The following LEUTX variants were observed in gnomAD, a reference collection of about 807,000 sequenced individuals.
LEUTX encodes paired-like homeodomain transcription factor LEUTX.
LEUTX carries 5 observed loss-of-function variants against 4.5 expected under a neutral mutation model. The observed-to-expected ratio is 1.11, with a 90% confidence interval of 0.58 to 2.34. The LOEUF is 2.34. Ranked by LOEUF, LEUTX falls within the 30% of genes most tolerant of loss-of-function variation. The pLI is 0.01. For synonymous variants in LEUTX, 89 were observed against 85.1 expected (o/e 1.05, Z -0.25); for missense variants, 233 against 239.4 (o/e 0.97, Z 0.18).
intron 1 of LEUTX, among the ~76,000 whole-genome samples, chr19:39,783,339 TTA>T (rs1011225574): frequency 2.2e-4 from 27 of 123,826 alleles, no homozygotes; most frequent in Middle Eastern, 4.1e-3. Flanking sequence ...ACATAAATTA[TTA>T]TATATATATA....
chr19:39,786,178 C>T lies in LEUTX; in HGVS notation c.*43C>T, dbSNP rs1490470412. 7.2e-7 allele frequency: 1 copy of T among 1,385,054 alleles called. No homozygotes were observed. Among genetic ancestry groups the T allele is most frequent in the African/African-American group, 1.5e-5 (1 of 68,434 alleles). 85.8% of individuals were successfully genotyped at this position (1,385,054 alleles called of 1,614,324 possible). ...CTAGGGGAGGTCTGGATCTGACCCA[C>T]TGAGACATATTTCCACACATCTTTA... On this transcript the variant is annotated 3_prime_UTR_variant, in exon 3 of 3. Transcript: ENST00000638280.
At chr19:39,779,721 A>G (rs1967856084) in intron 1 of LEUTX, among the ~76,000 whole-genome samples, 1 of 152,214 alleles carries the variant, frequency 6.6e-6, no homozygotes, top group Non-Finnish European at 1.5e-5. Flanking sequence ...GTAGTTTAGA[A>G]GTATATTACT....
chr19:39,784,943 C>G (rs1380249145), intron 2 of LEUTX, among the ~76,000 whole-genome samples: 3 of 152,200 alleles, frequency 2.0e-5, no homozygotes, highest in Non-Finnish European at 4.4e-5. Context: ...CCATGCTACA[C>G]AGGACTCTTT....
Position 39,785,960 on chromosome 19 carries a change from A to G in LEUTX, c.422A>G (p.Tyr141Cys), listed in dbSNP as rs1266794429. ...ARVSSWDSQS[Y>C]DIEQICLGAS... ...GTTTCATCCTGGGATTCTCAGTCAT[A>G]TGACATTGAACAGATATGTCTGGGG... The change falls in exon 3 of 3, where the codon TAT (tyrosine) becomes TGT (cysteine). Residue 141 changes from tyrosine to cysteine, a missense_variant. Physicochemically the swap from Tyr to Cys is radical, Grantham distance 194 (BLOSUM62 -2). Coordinates refer to ENST00000638280, the MANE Select transcript of LEUTX (RefSeq NM_001382345.1). 2 of 1,551,780 alleles carry G rather than the reference A, an allele frequency of 1.3e-6. No individual in the cohort carries two copies. Among genetic ancestry groups the G allele is most frequent in the South Asian group, 2.4e-5 (2 of 84,066 alleles).
intron 1 of LEUTX, among the ~76,000 whole-genome samples, chr19:39,784,168 A>T (rs1294326183): frequency 6.6e-6 from 1 of 151,230 alleles, no homozygotes; most frequent in Non-Finnish European, 1.5e-5. Flanking sequence ...CATTTCTTGT[A>T]TCTTTTTTTT....
intron 1 of LEUTX, among the ~76,000 whole-genome samples, chr19:39,780,926 A>G (rs919275265): frequency 6.0e-5 from 9 of 150,722 alleles, no homozygotes; most frequent in Middle Eastern, 3.4e-3. Flanking sequence ...CTGGTTTTGA[A>G]CTCCTGATCT....
Position 39,786,063 on chromosome 19 carries a change from T to G in LEUTX, c.525T>G (p.Asp175Glu). The change falls in exon 3 of 3, where the codon GAT becomes GAG. Residue 175 changes from aspartate (D) to glutamate (E), a missense_variant. Asp to Glu is a conservative substitution (Grantham distance 45). Transcript: ENST00000638280. ...AGATCTATGACTTGCCAGGGGAAGA[T>G]GACACCAGCAGCCTAAATCAATATC... ...FVKIYDLPGE[D>E]DTSSLNQYLF... 1.3e-6 allele frequency: 2 copies of G among 1,551,508 alleles called. No individual in the cohort carries two copies. The highest frequency in any genetic ancestry group is 1.7e-6 in the Non-Finnish European group (2 of 1,146,918).
upstream of LEUTX, among the ~76,000 whole-genome samples, chr19:39,778,165 G>T (rs901220460): frequency 1.3e-5 from 2 of 152,202 alleles, no homozygotes; most frequent in Non-Finnish European, 2.9e-5. Flanking sequence ...TGCCTGAAAG[G>T]TGGAGTAAAT....
At chr19:39,784,489 T>C in intron 1 of LEUTX, 38 bp from the exon 2 acceptor site, 1 of 746,162 alleles carries the variant, frequency 1.3e-6, no homozygotes, top group Non-Finnish European at 2.4e-6. Context: ...TCCTTCCGAA[T>C]TTTTTTAATG....
upstream of LEUTX, chr19:39,776,706 G>A (rs1321626627): frequency 2.2e-6 from 1 of 455,090 alleles, no homozygotes; most frequent in South Asian, 1.6e-5. Flanking sequence ...CATTTCTCAA[G>A]TAGCTTGTGG....
chr19:39,780,425 A>G (rs1217315468), intron 1 of LEUTX, among the ~76,000 whole-genome samples: 2 of 152,170 alleles, frequency 1.3e-5, no homozygotes, highest in Non-Finnish European at 2.9e-5. Context: ...TTTTGCAACA[A>G]CGATCCTTTT....
At chr19:39,785,638 A>G (rs572390189) in intron 2 of LEUTX, 60 bp from the exon 3 acceptor site, 15 of 1,336,536 alleles carry the variant, frequency 1.1e-5, no homozygotes, top group Non-Finnish European at 1.5e-5. Context: ...CCTGAGGAAC[A>G]TGAGGATGCC....
At position 39,785,981 on chromosome 19, in the gene LEUTX, T is replaced by C; in HGVS notation, c.443T>C (p.Leu148Pro). 1 of 1,551,778 alleles carries C rather than the reference T, an allele frequency of 6.4e-7. No individual in the cohort carries two copies. Residue 148 changes from leucine to proline, a missense_variant, in exon 3 of 3, where the codon CTG (leucine) becomes CCG (proline). Leu to Pro is a moderately conservative substitution (Grantham distance 98). Coordinates refer to ENST00000638280, the MANE Select transcript of LEUTX (RefSeq NM_001382345.1). Reference protein sequence around the residue: ...SQSYDIEQICLGASNPPWAST... With the variant: ...SQSYDIEQICPGASNPPWAST... ...TCATATGACATTGAACAGATATGTC[T>C]GGGGGCTTCAAATCCTCCTTGGGCC...
intron 1 of LEUTX, among the ~76,000 whole-genome samples, 152 bp downstream of exon 1, chr19:39,779,079 A>AATCC (rs1212596312): frequency 6.6e-6 from 1 of 152,170 alleles, no homozygotes; most frequent in East Asian, 1.9e-4. Flanking sequence ...TTTGAAAAAC[A>AATCC]CTTTGCAAGG....
chr19:39,785,682 C>A lies in LEUTX; in HGVS notation c.160-16C>A. The A allele has an allele frequency of 3.2e-6, 5 of 1,545,530 alleles. No individual in the cohort carries two copies. Among genetic ancestry groups the A allele is most frequent in the Middle Eastern group, 1.7e-4 (1 of 5,930 alleles). ...CTCAACATCCATTATTAACCTCCCCCCTCCTCCCTCCTTAGATCTGGTTCA... is the reference window on the plus strand; with the variant it reads ...CTCAACATCCATTATTAACCTCCCCACTCCTCCCTCCTTAGATCTGGTTCA... On this transcript the variant is annotated splice_polypyrimidine_tract_variant and intron_variant, in intron 2 of 2. Coordinates refer to ENST00000638280, the MANE Select transcript of LEUTX (RefSeq NM_001382345.1).
At chr19:39,784,500 A>T (rs1453334510) in intron 1 of LEUTX, 27 bp from the exon 2 acceptor site, 2 of 783,504 alleles carry the variant, frequency 2.6e-6, no homozygotes, top group African/African-American at 3.4e-5. Context: ...TTTTTTAATG[A>T]AAGCCTTTTA....
chr19:39,777,212 T>C (rs1226628802), upstream of LEUTX, among the ~76,000 whole-genome samples: 1 of 152,182 alleles, frequency 6.6e-6, no homozygotes, highest in East Asian at 1.9e-4. Context: ...CTACTGCACA[T>C]CCTCTGAATC....
intron 1 of LEUTX, among the ~76,000 whole-genome samples, chr19:39,783,257 T>C (rs931323434): frequency 6.8e-6 from 1 of 146,806 alleles, no homozygotes; most frequent in Non-Finnish European, 1.5e-5. Flanking sequence ...TATATATATA[T>C]AAATTATATA....
intron 1 of LEUTX, among the ~76,000 whole-genome samples, chr19:39,783,290 TTA>T (rs1252285356): frequency 6.8e-6 from 1 of 146,596 alleles, no homozygotes; most frequent in Non-Finnish European, 1.5e-5. Flanking sequence ...AATATTTGTA[TTA>T]TATATAATTA....
Sources: gnomAD v4.1 joint callset for allele counts (sites outside exome capture counted in the v4.1 genomes callset) on GRCh38, gnomAD v4.1.1 for gene constraint, MANE v1.5 for transcripts, NCBI Gene and HGNC (gene_info 2026-07-23, HGNC 2026-07-21) for gene names.